Variants in AP2M1 observed in about 807,000 individuals in gnomAD.
The protein encoded by AP2M1 is AP-2 complex subunit mu.
Under a neutral mutation model 54.5 loss-of-function variants are expected in AP2M1, and 5 were observed. The ratio of observed to expected loss-of-function variants is 0.09; its 90% CI spans 0.05 to 0.19. The LOEUF (loss-of-function observed/expected upper bound fraction) is 0.19, where lower values mean the gene tolerates loss of function less well. Ranked by LOEUF, AP2M1 falls within the 10% of genes least tolerant of loss-of-function variation. The probability of loss-of-function intolerance (pLI) is 1.00; values close to 1 mark genes in which losing one functional copy is unlikely to be tolerated. For synonymous variants in AP2M1, 186 were observed against 208.2 expected, an observed-to-expected ratio of 0.89 and a Z score of 0.92; for missense variants, 178 against 580.2, an observed-to-expected ratio of 0.31 and a Z score of 7.12.
rs1200001175 is a variant in AP2M1, at chr3:184,178,038, T to G, written c.75-819T>G. On this transcript the variant is annotated intron_variant, in intron 2 of 11. Transcript: ENST00000292807. The surrounding 1 kb of genome is among the most constrained non-coding windows in gnomAD (Gnocchi z 4.9). Reference sequence around the variant, plus strand: ...CCCCACCCCAGACCCCCTCCTGCCTTGGATGGACTGGGCAAGCCAAGGCCA... The same window carrying G: ...CCCCACCCCAGACCCCCTCCTGCCTGGGATGGACTGGGCAAGCCAAGGCCA... Among the ~76,000 whole-genome samples the G allele has an allele frequency of 6.6e-6, 1 of 152,086 alleles. No homozygotes were observed. Among genetic ancestry groups the G allele is most frequent in the African/African-American group, 2.4e-5 (1 of 41,424 alleles).
Position 184,180,560 on chromosome 3 carries a change from A to G in AP2M1, c.424-85A>G, listed in dbSNP as rs1400378590. ...GGAGCGAGCTTGGGCCCTCTCCTCT[A>G]GGATCCAAGCCTCATAGCTTTCTCC... On this transcript the variant is annotated intron_variant, in intron 4 of 11. Coordinates refer to ENST00000292807, the MANE Select transcript of AP2M1 (RefSeq NM_004068.4). The surrounding 1 kb of genome is among the most constrained non-coding windows in gnomAD (Gnocchi z 4.9). 1.9e-6 allele frequency: 3 copies of G among 1,605,884 alleles called. No individual in the cohort carries two copies. Among genetic ancestry groups the G allele is most frequent in the East Asian group, 4.5e-5 (2 of 44,876 alleles).
In AP2M1 at chr3:184,178,106, G is replaced by A. The variant is rs748366567; in HGVS notation, c.75-751G>A. 28 of 1,308,060 alleles carry A rather than the reference G, an allele frequency of 2.1e-5. 1 individual carries two copies. The South Asian group carries it at 2.9e-4, about 13-fold the overall frequency. The allele number at this position is 1,308,060 out of a possible 1,614,324, so 81.0% of individuals were successfully genotyped here. A position where few individuals can be genotyped will look rare whatever the true frequency, so the allele number is the denominator to read the frequency against. On this transcript the variant is annotated intron_variant, in intron 2 of 11. Transcript: ENST00000292807. The surrounding 1 kb of genome is among the most constrained non-coding windows in gnomAD (Gnocchi z 4.9). ...CCTGTCTTGTCTGCTTCTGCCTCAC[G>A]GTGTGTGCCGCCCTCCCGGTGTGTT...
In AP2M1 at chr3:184,180,086, G is replaced by A; in HGVS notation, c.341-83G>A. On this transcript the variant is annotated intron_variant, in intron 3 of 11. Coordinates refer to ENST00000292807, the MANE Select transcript of AP2M1 (RefSeq NM_004068.4). This position sits in a 1 kb window ranked among gnomAD's most constrained non-coding sequence, Gnocchi z 4.9. Reference sequence around the variant, plus strand: ...TGATCCCACATGGGCTTTGGGAGCTGTGCCGGTCAGATGTGTAGGCCCAAG... The same window carrying A: ...TGATCCCACATGGGCTTTGGGAGCTATGCCGGTCAGATGTGTAGGCCCAAG... The A allele has an allele frequency of 7.5e-7, 1 of 1,326,394 alleles. No homozygotes were observed. The highest frequency in any genetic ancestry group is 1.1e-6 in the Non-Finnish European group (1 of 926,876). 82.2% of individuals were successfully genotyped at this position (1,326,394 alleles called of 1,614,324 possible).
At position 184,180,274 on chromosome 3, in the gene AP2M1, A is replaced by G. The variant is rs1715227250; in HGVS notation, c.423+23A>G. 4 of 1,612,780 alleles carry G rather than the reference A, an allele frequency of 2.5e-6. No individual in the cohort carries two copies. The highest frequency in any genetic ancestry group is 3.4e-6 in the Non-Finnish European group (4 of 1,179,126). ...CAGGTACTTGAATTGTGCAGACTAT[A>G]GTCAGGGTGGAGTCCAATCTCCCTT... On this transcript the variant is annotated intron_variant, in intron 4 of 11. Transcript: ENST00000292807. The surrounding 1 kb of genome is among the most constrained non-coding windows in gnomAD (Gnocchi z 4.9).
Position 184,181,251 on chromosome 3 carries a change from G to A in AP2M1, c.707+25G>A. Reference sequence around the variant, plus strand: ...GGTGCCTGAGGCAGGAGAGCTGGTGGGAGAGGGTGTCCCTTGGAGGGCTCA... The same window carrying A: ...GGTGCCTGAGGCAGGAGAGCTGGTGAGAGAGGGTGTCCCTTGGAGGGCTCA... On this transcript the variant is annotated intron_variant, in intron 7 of 11. Transcript: ENST00000292807. This position sits in a 1 kb window ranked among gnomAD's most constrained non-coding sequence, Gnocchi z 5.7. 1 of 1,613,448 alleles carries A rather than the reference G, an allele frequency of 6.2e-7. No homozygotes were observed.
Position 184,183,088 on chromosome 3 carries a change from C to A in AP2M1, c.1173+220C>A. Reference sequence around the variant, plus strand: ...TTACTTCTCTCGGCTTGTCCTAACACAGTTCTTTCAAAAAACTTAGATTGT... The same window carrying A: ...TTACTTCTCTCGGCTTGTCCTAACAAAGTTCTTTCAAAAAACTTAGATTGT... On this transcript the variant is annotated intron_variant, in intron 11 of 11. Coordinates refer to ENST00000292807, the MANE Select transcript of AP2M1 (RefSeq NM_004068.4). This position sits in a 1 kb window ranked among gnomAD's most constrained non-coding sequence, Gnocchi z 5.7. 1 of 595,300 alleles carries A rather than the reference C, an allele frequency of 1.7e-6. No homozygotes were observed. The highest frequency in any genetic ancestry group is 3.0e-6 in the Non-Finnish European group (1 of 332,836). The allele number at this position is 595,300 out of a possible 1,614,324, so 36.9% of individuals were successfully genotyped here. A position where few individuals can be genotyped will look rare whatever the true frequency, so the allele number is the denominator to read the frequency against.
intron 1 of AP2M1, 128 bp downstream of exon 1, chr3:184,175,087 T>G: frequency 2.5e-6 from 1 of 395,512 alleles, no homozygotes; most frequent in Non-Finnish European, 4.5e-6. Flanking sequence ...GGCTTCAGCC[T>G]TCGGACCCGG....
chr3:184,181,089 G>C lies in AP2M1; in HGVS notation c.570G>C (p.Gln190His), dbSNP rs1715259090. The change falls in exon 7 of 12, where the codon CAG becomes CAC. Residue 190 changes from glutamine (Q) to histidine (H), a missense_variant. Physicochemically the swap from Gln to His is conservative, Grantham distance 24. Transcript: ENST00000292807. The surrounding 1 kb of genome is among the most constrained non-coding windows in gnomAD (Gnocchi z 5.7). ...SVNLLMSPQG[Q>H]VLSAHVSGRV... ...ATTTATCTGTTCCATCACCAGGGCA[G>C]GTGCTGAGTGCCCATGTGTCGGGCC... The C allele has an allele frequency of 6.2e-7, 1 of 1,614,082 alleles. No homozygotes were observed. The highest frequency in any genetic ancestry group is 8.5e-7 in the Non-Finnish European group (1 of 1,180,046).
At position 184,181,057 on chromosome 3, in the gene AP2M1, G is replaced by C. The variant is rs751667655; in HGVS notation, c.566-28G>C. The C allele has an allele frequency of 5.6e-6, 9 of 1,614,152 alleles. No homozygotes were observed. The South Asian group carries it at 6.6e-5, about 12-fold the overall frequency. On this transcript the variant is annotated intron_variant, in intron 6 of 11. Coordinates refer to ENST00000292807, the MANE Select transcript of AP2M1 (RefSeq NM_004068.4). This position sits in a 1 kb window ranked among gnomAD's most constrained non-coding sequence, Gnocchi z 5.7. ...CTGGGCCTGCCTGCCTGACTCCGCT[G>C]CTCCCCATTTATCTGTTCCATCACC...
At chr3:184,177,776 C>T in intron 2 of AP2M1, 1 of 667,352 alleles carries the variant, frequency 1.5e-6, no homozygotes, top group Non-Finnish European at 2.5e-6. Context: ...AGGGACCTAT[C>T]CTAGCCTCCG....
chr3:184,176,177 G>C (rs1226822872), intron 1 of AP2M1, among the ~76,000 whole-genome samples: 2 of 152,040 alleles, frequency 1.3e-5, no homozygotes, highest in East Asian at 3.9e-4. Context: ...ATGAGCCTGC[G>C]CCACCCCCAC....
Position 184,178,330 on chromosome 3 carries a change from C to G in AP2M1, c.75-527C>G, listed in dbSNP as rs958548510. On this transcript the variant is annotated intron_variant, in intron 2 of 11. Transcript: ENST00000292807. The surrounding 1 kb of genome is among the most constrained non-coding windows in gnomAD (Gnocchi z 4.9). ...CCTCAACTTGCTCTGGAGTTGGATC[C>G]TGGGCAAGAATGGGTAGCACAATTC... is the stretch of plus-strand genomic sequence containing the variant. The G allele has an allele frequency of 1.4e-5, 20 of 1,398,070 alleles. No homozygotes were observed. In the African/African-American group the frequency reaches 1.9e-4, roughly 13 times the overall value. 86.6% of individuals were successfully genotyped at this position (1,398,070 alleles called of 1,614,324 possible).
At position 184,180,552 on chromosome 3, in the gene AP2M1, T is replaced by TCTC; in HGVS notation, c.424-89_424-87dup. On this transcript the variant is annotated intron_variant, in intron 4 of 11. Transcript: ENST00000292807. The surrounding 1 kb of genome is among the most constrained non-coding windows in gnomAD (Gnocchi z 4.9). ...CCTCAGGAGGAGCGAGCTTGGGCCCTCTCCTCTAGGATCCAAGCCTCATAG... is the reference window on the plus strand; with the variant it reads ...CCTCAGGAGGAGCGAGCTTGGGCCCTCTCCTCCTCTAGGATCCAAGCCTCATAG... 8.8e-6 allele frequency: 14 copies of TCTC among 1,595,026 alleles called. No individual in the cohort carries two copies. In the Middle Eastern group the frequency reaches 1.4e-3, roughly 156 times the overall value.
chr3:184,175,043 C>T (rs932538214), intron 1 of AP2M1, 84 bp downstream of exon 1: 1 of 397,932 alleles, frequency 2.5e-6, no homozygotes, highest in East Asian at 3.6e-5. Context: ...CTGCCCTGCA[C>T]TGAGCTGGCG....
Position 184,178,331 on chromosome 3 carries a change from TG to T in AP2M1, c.75-523del, listed in dbSNP as rs991262007. The T allele has an allele frequency of 3.0e-6, 4 of 1,329,434 alleles. No homozygotes were observed. The African/African-American group carries it at 5.8e-5, about 19-fold the overall frequency. The allele number at this position is 1,329,434 out of a possible 1,614,324, so 82.4% of individuals were successfully genotyped here. On this transcript the variant is annotated intron_variant, in intron 2 of 11. Transcript: ENST00000292807. This position sits in a 1 kb window ranked among gnomAD's most constrained non-coding sequence, Gnocchi z 4.9. Reference sequence around the variant, plus strand: ...CTCAACTTGCTCTGGAGTTGGATCCTGGGCAAGAATGGGTAGCACAATTCCA... The same window carrying T: ...CTCAACTTGCTCTGGAGTTGGATCCTGGCAAGAATGGGTAGCACAATTCCA...
Position 184,178,228 on chromosome 3 carries a change from G to A in AP2M1, c.75-629G>A. 1 of 1,536,140 alleles carries A rather than the reference G, an allele frequency of 6.5e-7. No homozygotes were observed. Among genetic ancestry groups the A allele is most frequent in the African/African-American group, 1.4e-5 (1 of 73,178 alleles). ...CATTGGCTGCCGTAGCAATAGGTAA[G>A]CGGCCTCTCAAGCTGCTGCCCAGGT... On this transcript the variant is annotated intron_variant, in intron 2 of 11. Transcript: ENST00000292807. This position sits in a 1 kb window ranked among gnomAD's most constrained non-coding sequence, Gnocchi z 4.9.
At position 184,175,264 on chromosome 3, in the gene AP2M1, C is replaced by T. The variant is rs566423931; in HGVS notation, c.-44+305C>T. On this transcript the variant is annotated intron_variant, in intron 1 of 11. Coordinates refer to ENST00000292807, the MANE Select transcript of AP2M1 (RefSeq NM_004068.4). ...CGCCCCCTCCCTAGGATCGTGCCAA[C>T]CCCCTACCCCTCCGCGCAAGGACAA... Among the ~76,000 whole-genome samples the T allele has an allele frequency of 6.4e-4, 98 of 152,172 alleles. 1 individual carries two copies. The South Asian group carries it at 0.019, about 30-fold the overall frequency.
In AP2M1 at chr3:184,180,538, G is replaced by A. The variant is rs903134753; in HGVS notation, c.424-107G>A. The A allele has an allele frequency of 4.5e-5, 70 of 1,563,098 alleles. No homozygotes were observed. Among genetic ancestry groups the A allele is most frequent in the Non-Finnish European group, 5.9e-5 (67 of 1,143,556 alleles). On this transcript the variant is annotated intron_variant, in intron 4 of 11. Transcript: ENST00000292807. This position sits in a 1 kb window ranked among gnomAD's most constrained non-coding sequence, Gnocchi z 4.9. ...TGAGGCCTGGTATTCCTCAGGAGGA[G>A]CGAGCTTGGGCCCTCTCCTCTAGGA...
Position 184,180,211 on chromosome 3 carries a change from C to T in AP2M1, c.383C>T (p.Ala128Val), listed in dbSNP as rs1488778255. 9 of 1,614,050 alleles carry T rather than the reference C, an allele frequency of 5.6e-6. No individual in the cohort carries two copies. Among genetic ancestry groups the T allele is most frequent in the East Asian group, 2.2e-5 (1 of 44,892 alleles). ...FGYPQNSETG[A>V]LKTFITQQGI... The stretch of plus-strand genomic sequence containing the variant: ...TACCCACAGAATTCCGAGACAGGCG[C>T]GCTGAAAACCTTCATCACGCAGCAG... Residue 128 changes from alanine (A) to valine (V), a missense_variant, in exon 4 of 12, where the codon GCG (alanine) becomes GTG (valine). Coordinates refer to ENST00000292807, the MANE Select transcript of AP2M1 (RefSeq NM_004068.4). This position sits in a 1 kb window ranked among gnomAD's most constrained non-coding sequence, Gnocchi z 4.9.
Sources: allele counts gnomAD v4.1 joint callset (sites outside exome capture counted in the v4.1 genomes callset), GRCh38; gene constraint gnomAD v4.1.1; non-coding constraint Gnocchi (gnomAD v3.1); transcripts MANE v1.5; gene names NCBI Gene and HGNC (gene_info 2026-07-23, HGNC 2026-07-21).